Variants in CRACD observed in about 807,000 individuals in gnomAD.
CRACD encodes the protein capping protein inhibiting regulator of actin dynamics, also known as capping protein-inhibiting regulator of actin dynamics.
CRACD carries 56 observed loss-of-function variants against 106.8 expected under a neutral mutation model. That is an observed-to-expected ratio of 0.52 (90% CI 0.42 to 0.66). The LOEUF is 0.66. CRACD is among the 30% of genes least tolerant of loss of function. The probability of loss-of-function intolerance (pLI) is 0.00; values close to 1 mark genes in which losing one functional copy is unlikely to be tolerated. For synonymous variants in CRACD, 754 were observed against 670.8 expected, an observed-to-expected ratio of 1.12 and a Z score of -1.92; for missense variants, 1,730 against 1,623.2, an observed-to-expected ratio of 1.07 and a Z score of -1.13.
intron 1 of CRACD, among the ~76,000 whole-genome samples, chr4:56,137,693 GC>G (rs1481663357): frequency 7.2e-5 from 11 of 152,158 alleles, no homozygotes; most frequent in Admixed American, 7.2e-4. Context: ...TAGATTTAAA[GC>G]ATGTTGTTAT....
At position 56,314,385 on chromosome 4, in the gene CRACD, C is replaced by A. The variant is rs1217645388; in HGVS notation, c.883C>A (p.Leu295Met). Residue 295 changes from leucine (L) to methionine (M), a missense_variant, in exon 8 of 11, where the codon CTG (leucine) becomes ATG (methionine). By Grantham distance (15) the Leu-to-Met change is conservative. Transcript: ENST00000682029. This position sits in a 1 kb window ranked among gnomAD's most constrained non-coding sequence, Gnocchi z 4.4. Reference protein sequence around the residue: ...RAPREEQQRSLEAPGWEDAER... With the variant: ...RAPREEQQRSMEAPGWEDAER... ...GCCGCGGGAAGAGCAGCAGCGGAGC[C>A]TGGAAGCGCCAGGTTGGGAGGACGC... 2 of 1,396,990 alleles carry A rather than the reference C, an allele frequency of 1.4e-6. No homozygotes were observed. The highest frequency in any genetic ancestry group is 5.0e-4 in the Middle Eastern group (2 of 4,022). The allele number at this position is 1,396,990 out of a possible 1,614,324, so 86.5% of individuals were successfully genotyped here. A position where few individuals can be genotyped will look rare whatever the true frequency, so the allele number is the denominator to read the frequency against.
intron 2 of CRACD, among the ~76,000 whole-genome samples, chr4:56,225,960 T>C (rs1478046081): frequency 6.6e-6 from 1 of 152,250 alleles, no homozygotes; most frequent in African/African-American, 2.4e-5. Flanking sequence ...TATCCTGCTC[T>C]TCAACTTTCT....
intron 3 of CRACD, among the ~76,000 whole-genome samples, chr4:56,277,884 C>T (rs1197563847): frequency 6.6e-6 from 1 of 151,994 alleles, no homozygotes; most frequent in Non-Finnish European, 1.5e-5. Flanking sequence ...CTAAAGATGA[C>T]CCTAGGAAAA....
At chr4:56,274,502 T>G (rs1179976472) in intron 3 of CRACD, among the ~76,000 whole-genome samples, 1 of 152,210 alleles carries the variant, frequency 6.6e-6, no homozygotes. Context: ...CTCTTCCCAT[T>G]TAAGTCTTAT....
chr4:56,104,271 A>G (rs146352514), intron 1 of CRACD, among the ~76,000 whole-genome samples: 2,852 of 152,200 alleles, frequency 0.019, 54 homozygotes, highest in Non-Finnish European at 0.03. Flanking sequence ...GCATGCGCCT[A>G]TAGTCCCAGC....
Position 56,142,285 on chromosome 4 carries a change from G to A in CRACD, c.-335-36999G>A, listed in dbSNP as rs767602638. Among the ~76,000 whole-genome samples, 8 of 152,120 alleles carry A rather than the reference G, an allele frequency of 5.3e-5. No individual in the cohort carries two copies. The South Asian group carries it at 1.2e-3, about 24-fold the overall frequency. On this transcript the variant is annotated intron_variant, in intron 1 of 10. Coordinates refer to ENST00000682029, the MANE Select transcript of CRACD (RefSeq NM_001393381.1). ...TATGATGTTATCTAGTGACTAGATA[G>A]TATTTCATGGTTATGCCATAATTTA...
intron 2 of CRACD, among the ~76,000 whole-genome samples, chr4:56,248,603 T>G (rs1268092941): frequency 6.6e-6 from 1 of 151,994 alleles, no homozygotes; most frequent in Non-Finnish European, 1.5e-5. Context: ...ACTTTAAGTT[T>G]TAGGGTACAT....
chr4:56,078,840 T>TGTCTCTTA (rs1449786186), intron 1 of CRACD, among the ~76,000 whole-genome samples: 1 of 152,168 alleles, frequency 6.6e-6, no homozygotes, highest in Non-Finnish European at 1.5e-5. Flanking sequence ...GGATAAAGGG[T>TGTCTCTTA]GTCTCTTAGC....
chr4:56,257,472 G>C (rs1472026141), intron 2 of CRACD, among the ~76,000 whole-genome samples: 2 of 149,782 alleles, frequency 1.3e-5, no homozygotes, highest in Admixed American at 1.3e-4. Context: ...AGGATTGCTT[G>C]CACCCAAGAG....
At chr4:56,280,050 A>G (rs1457835823) in intron 3 of CRACD, among the ~76,000 whole-genome samples, 2 of 149,512 alleles carry the variant, frequency 1.3e-5, no homozygotes, top group Non-Finnish European at 3.0e-5. Flanking sequence ...AGGACAAAAA[A>G]CCAAACACCG....
Position 56,314,344 on chromosome 4 carries a change from T to C in CRACD, c.842T>C (p.Leu281Pro). The C allele has an allele frequency of 1.9e-6, 3 of 1,548,884 alleles. No individual in the cohort carries two copies. Among genetic ancestry groups the C allele is most frequent in the Non-Finnish European group, 2.6e-6 (3 of 1,146,602 alleles). The change falls in exon 8 of 11, where the codon CTA (leucine) becomes CCA (proline). Residue 281 changes from leucine to proline, a missense_variant. Coordinates refer to ENST00000682029, the MANE Select transcript of CRACD (RefSeq NM_001393381.1). This position sits in a 1 kb window ranked among gnomAD's most constrained non-coding sequence, Gnocchi z 4.4. ...EEEGEGQEPP[L>P]EAERAPREEQ... ...GAGGGCGAGGGGCAGGAGCCGCCTCTAGAGGCGGAAAGGGCGCCGCGGGAA... is the reference window on the plus strand; with the variant it reads ...GAGGGCGAGGGGCAGGAGCCGCCTCCAGAGGCGGAAAGGGCGCCGCGGGAA...
At chr4:56,166,657 CAG>C (rs1410604106) in intron 1 of CRACD, among the ~76,000 whole-genome samples, 1 of 105,958 alleles carries the variant, frequency 9.4e-6, no homozygotes, top group Non-Finnish European at 1.7e-5. Context: ...CTGGGTGAGA[CAG>C]AGAGACACTC....
chr4:56,216,700 G>T (rs1328066812), intron 2 of CRACD, among the ~76,000 whole-genome samples: 3 of 152,146 alleles, frequency 2.0e-5, no homozygotes, highest in Non-Finnish European at 4.4e-5. Flanking sequence ...AAAATGTCAG[G>T]CCGGGCGCGG....
At chr4:56,076,453 A>G (rs954590175) in intron 1 of CRACD, among the ~76,000 whole-genome samples, 1 of 152,208 alleles carries the variant, frequency 6.6e-6, no homozygotes, top group Admixed American at 6.5e-5. Flanking sequence ...TTATTGAAGA[A>G]TTGCAAAACT....
chr4:56,316,730 G>A (rs952860615), intron 8 of CRACD, 41 bp downstream of exon 8: 1 of 1,501,554 alleles, frequency 6.7e-7, no homozygotes, highest in Non-Finnish European at 9.0e-7. Context: ...CAGCCGAGGT[G>A]TCAGAGCCAG....
At chr4:56,069,159 C>T (rs1732554158) in intron 1 of CRACD, among the ~76,000 whole-genome samples, 1 of 152,134 alleles carries the variant, frequency 6.6e-6, no homozygotes, top group Admixed American at 6.6e-5. Context: ...CCACTGACAC[C>T]TCGATTTCGG....
intron 2 of CRACD, among the ~76,000 whole-genome samples, chr4:56,226,948 C>T (rs960713643): frequency 2.0e-5 from 3 of 151,724 alleles, no homozygotes; most frequent in Non-Finnish European, 2.9e-5. Context: ...ACCACACTTA[C>T]CAGCGTCCCT....
intron 1 of CRACD, among the ~76,000 whole-genome samples, chr4:56,135,319 CT>C (rs952409493): frequency 2.0e-5 from 3 of 152,164 alleles, no homozygotes; most frequent in Admixed American, 6.5e-5. Context: ...GAGTTATATG[CT>C]TTTGCTAAAA....
intron 1 of CRACD, among the ~76,000 whole-genome samples, chr4:56,114,940 G>A (rs1249211659): frequency 1.3e-5 from 2 of 152,072 alleles, no homozygotes; most frequent in Non-Finnish European, 2.9e-5. Context: ...AGCAATTTGG[G>A]GGATATGCAG....
Sources: gnomAD v4.1 joint callset for allele counts (sites outside exome capture counted in the v4.1 genomes callset) on GRCh38, gnomAD v4.1.1 for gene constraint, Gnocchi (gnomAD v3.1) non-coding constraint, MANE v1.5 for transcripts, NCBI Gene and HGNC (gene_info 2026-07-23, HGNC 2026-07-21) for gene names.